Variants in NAV3 observed in about 807,000 individuals in gnomAD.
NAV3 encodes the protein pore membrane and/or filament interacting like protein 1.
Under a neutral mutation model 244.7 loss-of-function variants are expected in NAV3, and 87 were observed. The observed-to-expected ratio is 0.36, with a 90% CI of 0.30 to 0.42. The LOEUF is 0.42. NAV3 is among the 20% of genes least tolerant of loss of function. NAV3 has a pLI of 1.00. For synonymous variants in NAV3, 1,126 were observed against 1,042.2 expected (o/e 1.08, Z -1.55); for missense variants, 2,663 against 2,893.3 (o/e 0.92, Z 1.83).
chr12:77,964,955 A>G (rs1892380588), intron 3 of NAV3, among the ~76,000 whole-genome samples: 1 of 152,086 alleles, frequency 6.6e-6, no homozygotes, highest in Non-Finnish European at 1.5e-5. Context: ...TCTTGAATCT[A>G]TTTTTTTCTT....
intron 2 of NAV3, among the ~76,000 whole-genome samples, chr12:77,673,768 A>G (rs1272984459): frequency 1.3e-5 from 2 of 152,182 alleles, no homozygotes; most frequent in African/African-American, 4.8e-5. Flanking sequence ...CATTTTATAA[A>G]CTGTAAAATA....
Position 77,616,732 on chromosome 12 carries a change from A to G in NAV3, c.72+44466A>G, listed in dbSNP as rs567217028. ...CTATTTGTGCTACACACAGGCGCGCACACACACACACACACACACACGATT... is the reference window on the plus strand; with the variant it reads ...CTATTTGTGCTACACACAGGCGCGCGCACACACACACACACACACACGATT... On this transcript the variant is annotated intron_variant, in intron 2 of 8. Transcript: ENST00000550042. 4.0e-3 allele frequency among the ~76,000 whole-genome samples: 565 copies of G among 140,528 alleles called. 3 individuals carry two copies. The highest frequency in any genetic ancestry group is 0.012 in the African/African-American group (441 of 38,176). The allele number at this position is 140,528 out of a possible 152,430, so 92.2% of individuals were successfully genotyped here.
chr12:77,939,050 G>T (rs1374746937), intron 1 of NAV3, among the ~76,000 whole-genome samples: 2 of 151,914 alleles, frequency 1.3e-5, no homozygotes, highest in African/African-American at 2.4e-5. Context: ...AGGGTTGAAA[G>T]TTGTGGGGAG....
chr12:77,805,724 T>C lies in NAV3; in HGVS notation c.73-134595T>C, dbSNP rs149578249. Among the ~76,000 whole-genome samples the C allele has an allele frequency of 2.0e-4, 31 of 152,356 alleles. 1 individual carries two copies. Among genetic ancestry groups the C allele is most frequent in the African/African-American group, 7.2e-4 (30 of 41,586 alleles). The stretch of plus-strand genomic sequence containing the variant: ...GTCCCTCTTTTTCTATTGATTGGAA[T>C]AGTTTCATAAGGAATGGTACCAGCT... On this transcript the variant is annotated intron_variant, in intron 2 of 8. Transcript: ENST00000550042.
intron 2 of NAV3, among the ~76,000 whole-genome samples, chr12:77,699,811 A>G (rs1458524935): frequency 2.0e-5 from 3 of 151,194 alleles, no homozygotes; most frequent in Non-Finnish European, 2.9e-5. Flanking sequence ...TTTTAAATGA[A>G]CAAGCCTCTG....
chr12:77,675,400 C>G (rs553514671), intron 2 of NAV3, among the ~76,000 whole-genome samples: 1 of 152,194 alleles, frequency 6.6e-6, no homozygotes, highest in East Asian at 1.9e-4. Flanking sequence ...GCAGAATTTC[C>G]TTCAGCTCTG....
chr12:78,197,417 A>T lies in NAV3; in HGVS notation c.6446+16A>T. ...ACAACAAATGGTATGCTTATCAAATATTCTGAATAATGAAATATGAAATAA... is the reference window on the plus strand; with the variant it reads ...ACAACAAATGGTATGCTTATCAAATTTTCTGAATAATGAAATATGAAATAA... On this transcript the variant is annotated intron_variant, in intron 35 of 39. Transcript: ENST00000397909. 1 of 1,554,414 alleles carries T rather than the reference A, an allele frequency of 6.4e-7. No individual in the cohort carries two copies. The highest frequency in any genetic ancestry group is 8.7e-7 in the Non-Finnish European group (1 of 1,144,676).
chr12:78,146,404 AT>A lies in NAV3; in HGVS notation c.4707+13del, dbSNP rs758267098. 4.4e-5 allele frequency: 37 copies of A among 837,290 alleles called. No individual in the cohort carries two copies. The highest frequency in any genetic ancestry group is 5.5e-5 in the Non-Finnish European group (31 of 564,282). 51.9% of individuals were successfully genotyped at this position (837,290 alleles called of 1,614,324 possible). A position where few individuals can be genotyped will look rare whatever the true frequency, so the allele number is the denominator to read the frequency against. Reference sequence around the variant, plus strand: ...AGGCTCATTCAGAGGTAAAAAAAAAATATGCAATATTTTAATATTTTCTATT... The same window carrying A: ...AGGCTCATTCAGAGGTAAAAAAAAAAATGCAATATTTTAATATTTTCTATT... On this transcript the variant is annotated intron_variant, in intron 21 of 39. Transcript: ENST00000397909.
chr12:77,803,786 T>C (rs542851030), intron 2 of NAV3, among the ~76,000 whole-genome samples: 1 of 152,292 alleles, frequency 6.6e-6, no homozygotes, highest in East Asian at 1.9e-4. Context: ...CTCTCCAGCA[T>C]CTGTTGTTTC....
intron 9 of NAV3, among the ~76,000 whole-genome samples, chr12:78,030,144 G>A (rs530858459): frequency 1.3e-5 from 2 of 152,224 alleles, no homozygotes; most frequent in Admixed American, 6.5e-5. Flanking sequence ...AATTCAACAT[G>A]CAAAACACTT....
intron 1 of NAV3, among the ~76,000 whole-genome samples, chr12:77,935,485 G>T (rs1889235763): frequency 6.6e-6 from 1 of 152,106 alleles, no homozygotes; most frequent in South Asian, 2.1e-4. Context: ...GAATATATAT[G>T]ATTTAAGAGT....
At chr12:78,151,573 G>A (rs1957083052) in intron 22 of NAV3, among the ~76,000 whole-genome samples, 1 of 151,862 alleles carries the variant, frequency 6.6e-6, no homozygotes, top group African/African-American at 2.4e-5. Context: ...TAACATTCCA[G>A]AAATGGCAAA....
intron 1 of NAV3, among the ~76,000 whole-genome samples, chr12:77,832,127 G>A (rs985029420): frequency 7.9e-5 from 12 of 152,116 alleles, no homozygotes; most frequent in African/African-American, 2.7e-4. Flanking sequence ...TTCTCTAAAT[G>A]TCATTTGCAT....
At chr12:78,144,791 G>T (rs557482506) in intron 20 of NAV3, among the ~76,000 whole-genome samples, 1 of 150,672 alleles carries the variant, frequency 6.6e-6, no homozygotes, top group Non-Finnish European at 1.5e-5. Context: ...ATTCTAGGAA[G>T]CCTAGAAGCA....
intron 9 of NAV3, among the ~76,000 whole-genome samples, chr12:78,045,786 GAAT>G: frequency 6.6e-6 from 1 of 152,270 alleles, no homozygotes; most frequent in South Asian, 2.1e-4. Flanking sequence ...CTATTGATTG[GAAT>G]AGTCTCAGAA....
chr12:77,775,598 T>G (rs1870314774), intron 2 of NAV3, among the ~76,000 whole-genome samples: 1 of 152,194 alleles, frequency 6.6e-6, no homozygotes, highest in Non-Finnish European at 1.5e-5. Context: ...TTTATCTTGT[T>G]TCATTATATA....
intron 2 of NAV3, among the ~76,000 whole-genome samples, chr12:77,761,732 A>G (rs577367597): frequency 1.3e-5 from 2 of 152,368 alleles, no homozygotes; most frequent in Non-Finnish European, 1.5e-5. Context: ...AGGAGATACC[A>G]TCTCATGCCA....
At chr12:77,843,561 C>G (rs1876089448) in intron 1 of NAV3, among the ~76,000 whole-genome samples, 1 of 149,318 alleles carries the variant, frequency 6.7e-6, no homozygotes, top group Non-Finnish European at 1.5e-5. Context: ...TTTTAGGTGT[C>G]TTTTTAGGTT....
At chr12:78,204,286 C>T (rs1960058264) in intron 38 of NAV3, among the ~76,000 whole-genome samples, 1 of 152,098 alleles carries the variant, frequency 6.6e-6, no homozygotes, top group Admixed American at 6.6e-5. Flanking sequence ...AGCACACCAA[C>T]ATGGCACATG....
Sources: allele counts gnomAD v4.1 joint callset (sites outside exome capture counted in the v4.1 genomes callset), GRCh38; gene constraint gnomAD v4.1.1; transcripts MANE v1.5; gene names NCBI Gene and HGNC (gene_info 2026-07-23, HGNC 2026-07-21).